SMG5: variants seen among roughly 807,000 people sequenced by gnomAD.
SMG5 encodes SMG5 nonsense mediated mRNA decay factor.
Under a neutral mutation model 122.9 loss-of-function variants are expected in SMG5, and 53 were observed. The ratio of observed to expected loss-of-function variants is 0.43; its 90% CI spans 0.35 to 0.54. The LOEUF (loss-of-function observed/expected upper bound fraction) is 0.54, where lower values mean the gene tolerates loss of function less well. Among genes scored for constraint, SMG5 ranks in the 20% least tolerant of loss-of-function variants. The pLI is 0.01. For missense variants in SMG5, 1,153 were observed against 1,285.6 expected, an observed-to-expected ratio of 0.90 and a Z score of 1.58; for synonymous variants, 477 against 490.2, an observed-to-expected ratio of 0.97 and a Z score of 0.35.
upstream of SMG5, chr1:156,286,220 TG>T (rs564233156): frequency 2.3e-3 from 3,733 of 1,600,626 alleles, 9 homozygotes; most frequent in Non-Finnish European, 3.0e-3. Flanking sequence ...GCCCTTCCCC[TG>T]CCTTTTCTGA....
chr1:156,267,809 G>T (rs769615392), intron 9 of SMG5, 131 bp from the exon 10 acceptor site: 56 of 824,784 alleles, frequency 6.8e-5, no homozygotes, highest in Non-Finnish European at 1.0e-4. Flanking sequence ...CCAGGGAAGG[G>T]TAGTGCTGGA....
chr1:156,262,020 C>T (rs1437347412), intron 13 of SMG5, among the ~76,000 whole-genome samples: 1 of 152,048 alleles, frequency 6.6e-6, no homozygotes, highest in Non-Finnish European at 1.5e-5. Flanking sequence ...CTGAGGTATG[C>T]CACTGCACTG....
intron 12 of SMG5, among the ~76,000 whole-genome samples, chr1:156,264,577 G>A (rs1043526436): frequency 6.6e-6 from 1 of 152,180 alleles, no homozygotes; most frequent in Non-Finnish European, 1.5e-5. Context: ...AGGTGCAGGA[G>A]GCCACAAGAA....
chr1:156,266,146 G>A lies in SMG5; in HGVS notation c.1490C>T (p.Ser497Phe). 1 of 1,614,246 alleles carries A rather than the reference G, an allele frequency of 6.2e-7. No homozygotes were observed. Among genetic ancestry groups the A allele is most frequent in the Non-Finnish European group, 8.5e-7 (1 of 1,180,046 alleles). ...TCCCCCACCTTCAAGACTCTTGTCA[G>A]AGCCACTGTCTGAGCCCTCACTGGC... ...ARASEGSDSG[S>F]DKSLEGGGTA... is the part of the protein sequence containing the mutation. Residue 497 changes from serine to phenylalanine, a missense_variant, in exon 12 of 22, where the codon TCT becomes TTT. Around this residue, in one of 5 missense-constraint regions of SMG5, gnomAD observed 631 missense variants for 650.6 expected, o/e 0.97. Transcript: ENST00000361813.
At chr1:156,286,133 C>A, upstream of SMG5, 1 of 1,372,056 alleles carries the variant, frequency 7.3e-7, no homozygotes, top group South Asian at 1.3e-5. Flanking sequence ...CATCTCCTCC[C>A]AGGACCACCT....
chr1:156,282,862 C>A (rs901027963), upstream of SMG5: 2 of 624,174 alleles, frequency 3.2e-6, no homozygotes, highest in Non-Finnish European at 2.7e-6. Context: ...GCGATGGCAG[C>A]CGCACAGTTG....
At chr1:156,264,498 A>T (rs1662024626) in intron 12 of SMG5, among the ~76,000 whole-genome samples, 1 of 152,006 alleles carries the variant, frequency 6.6e-6, no homozygotes, top group South Asian at 2.1e-4. Context: ...AGCAGTTCAG[A>T]CTCTAACTGG....
At chr1:156,254,579 G>GAC (rs1661493928) in intron 16 of SMG5, among the ~76,000 whole-genome samples, 1 of 152,144 alleles carries the variant, frequency 6.6e-6, no homozygotes. Context: ...AACTAGCTGG[G>GAC]ACTACAGGCA....
upstream of SMG5, chr1:156,285,989 C>A (rs753468609): frequency 3.1e-6 from 5 of 1,594,338 alleles, no homozygotes; most frequent in Non-Finnish European, 3.4e-6. Context: ...GCTGGGTGAG[C>A]CTGTGAGAAG....
At chr1:156,251,277 G>A in intron 20 of SMG5, 126 bp downstream of exon 20, 2 of 1,153,084 alleles carry the variant, frequency 1.7e-6, no homozygotes, top group Admixed American at 1.7e-5. Flanking sequence ...GAGGCCTGCA[G>A]GAGGGCCCTG....
chr1:156,287,209 G>A (rs915327276), upstream of SMG5, among the ~76,000 whole-genome samples: 3 of 152,100 alleles, frequency 2.0e-5, no homozygotes, highest in African/African-American at 7.2e-5. Flanking sequence ...AATGTCAGGA[G>A]CTCGAGACCA....
intron 15 of SMG5, 129 bp from the exon 16 acceptor site, chr1:156,259,292 A>AG: frequency 1.0e-6 from 1 of 979,198 alleles, no homozygotes; most frequent in Non-Finnish European, 1.4e-6. Flanking sequence ...CAAGGGCTCC[A>AG]GGGGAAGATT....
At chr1:156,263,922 C>G (rs1406249551) in intron 12 of SMG5, among the ~76,000 whole-genome samples, 2 of 152,062 alleles carry the variant, frequency 1.3e-5, no homozygotes, top group Non-Finnish European at 2.9e-5. Flanking sequence ...GCAGGGCAGA[C>G]AGTTAGAGGG....
In SMG5 at chr1:156,282,760, T is replaced by TAGCCGC. The variant is rs1474223688; in HGVS notation, c.-86_-81dup. The TAGCCGC allele has an allele frequency of 4.2e-6, 6 of 1,440,734 alleles. No homozygotes were observed. Among genetic ancestry groups the TAGCCGC allele is most frequent in the South Asian group, 1.3e-5 (1 of 78,880 alleles). The allele number at this position is 1,440,734 out of a possible 1,614,324, so 89.2% of individuals were successfully genotyped here. Reference sequence around the variant, plus strand: ...CCGCCAACACTGCCGTCTCCGGCCGTAGCCGCAGCCGCCGCCGCCACCGGC... The same window carrying TAGCCGC: ...CCGCCAACACTGCCGTCTCCGGCCGTAGCCGCAGCCGCAGCCGCCGCCGCCACCGGC... On this transcript the variant is annotated 5_prime_UTR_variant, in exon 1 of 22. Transcript: ENST00000361813.
At chr1:156,253,319 T>A in intron 17 of SMG5, 130 bp downstream of exon 17, 1 of 1,024,618 alleles carries the variant, frequency 9.8e-7, no homozygotes, top group Non-Finnish European at 1.5e-6. Flanking sequence ...AGGAGGGTCA[T>A]CTGGGAGAGG....
At chr1:156,285,066 C>A, upstream of SMG5, 2 of 771,012 alleles carry the variant, frequency 2.6e-6, no homozygotes, top group Non-Finnish European at 3.8e-6. Context: ...CTCCCTAAGG[C>A]TCCAGAAGGG....
At chr1:156,254,225 G>C (rs1558232557) in intron 16 of SMG5, among the ~76,000 whole-genome samples, 1 of 152,134 alleles carries the variant, frequency 6.6e-6, no homozygotes, top group South Asian at 2.1e-4. Flanking sequence ...CCACCGTACT[G>C]GTCTCTGCCT....
At chr1:156,270,459 T>C (rs1023581411) in intron 7 of SMG5, among the ~76,000 whole-genome samples, 4 of 152,216 alleles carry the variant, frequency 2.6e-5, no homozygotes, top group African/African-American at 9.7e-5. Context: ...ATCAGCTGAA[T>C]ACCAATGACT....
At chr1:156,271,391 C>CAGGTGACAACTTTAGCAAAGT (rs1662413802) in intron 7 of SMG5, among the ~76,000 whole-genome samples, 2 of 152,096 alleles carry the variant, frequency 1.3e-5, no homozygotes, top group Non-Finnish European at 2.9e-5. Flanking sequence ...AACTTTAGCA[C>CAGGTGACAACTTTAGCAAAGT]TGATTAGGTG....
Sources: gnomAD v4.1 joint callset for allele counts (sites outside exome capture counted in the v4.1 genomes callset) on GRCh38, gnomAD v4.1.1 for gene constraint, gnomAD v4.1.1 regional missense constraint, MANE v1.5 for transcripts, NCBI Gene and HGNC (gene_info 2026-07-23, HGNC 2026-07-21) for gene names.